Variants in BST1 observed in about 807,000 individuals in gnomAD.
BST1 encodes the protein ADP-ribosyl cyclase/cyclic ADP-ribose hydrolase 2.
BST1 carries 49 observed loss-of-function variants against 40.6 expected under a neutral mutation model. That is an observed-to-expected ratio of 1.21 (90% CI 0.96 to 1.53). BST1 has a LOEUF of 1.53. BST1 is among the 40% of genes most tolerant of loss of function. The pLI is 0.00. For missense variants in BST1, 423 were observed against 395.9 expected, an observed-to-expected ratio of 1.07 and a Z score of -0.58; for synonymous variants, 157 against 159.3, an observed-to-expected ratio of 0.99 and a Z score of 0.11.
downstream of BST1, chr4:15,736,079 G>A: frequency 7.8e-7 from 1 of 1,288,904 alleles, no homozygotes; most frequent in Non-Finnish European, 1.0e-6. Context: ...GGGACATTAG[G>A]AGTGCGACCC....
the BST1 span, among the ~76,000 whole-genome samples, chr4:15,748,729 G>C: frequency 6.6e-6 from 1 of 152,168 alleles, no homozygotes. Flanking sequence ...CACTACACCC[G>C]AGTTGATAGT....
downstream of BST1, among the ~76,000 whole-genome samples, chr4:15,732,967 G>A (rs550409657): frequency 5.1e-4 from 78 of 152,228 alleles, no homozygotes; most frequent in African/African-American, 1.8e-3. Context: ...TCGTGGTCTC[G>A]CTGACTTCAA....
At chr4:15,750,917 A>G in the BST1 span, among the ~76,000 whole-genome samples, 2 of 152,226 alleles carry the variant, frequency 1.3e-5, no homozygotes, top group African/African-American at 4.8e-5. Context: ...CAGGTGGTCC[A>G]CAATGAATGG....
the BST1 span, among the ~76,000 whole-genome samples, chr4:15,748,843 C>G: frequency 6.6e-6 from 1 of 152,204 alleles, no homozygotes; most frequent in Non-Finnish European, 1.5e-5. Context: ...TATGACATCT[C>G]TCAGTTGCTA....
the BST1 span, among the ~76,000 whole-genome samples, chr4:15,752,729 C>T: frequency 2.6e-5 from 4 of 152,012 alleles, no homozygotes; most frequent in Admixed American, 2.6e-4. Context: ...TGTGTCTGAA[C>T]TATTTGAGGA....
chr4:15,768,340 G>A, the BST1 span, among the ~76,000 whole-genome samples: 3 of 152,224 alleles, frequency 2.0e-5, no homozygotes, highest in African/African-American at 7.2e-5. Context: ...TAGAGCATCA[G>A]TCGAAAGCTT....
At chr4:15,753,456 T>G in the BST1 span, among the ~76,000 whole-genome samples, 63 of 152,364 alleles carry the variant, frequency 4.1e-4, no homozygotes, top group African/African-American at 1.5e-3. Context: ...ACATCCTGAA[T>G]GGCTCACGAT....
At chr4:15,758,606 T>G in the BST1 span, among the ~76,000 whole-genome samples, 1 of 152,244 alleles carries the variant, frequency 6.6e-6, no homozygotes, top group African/African-American at 2.4e-5. Flanking sequence ...TGATACTGTT[T>G]GTTAACTATA....
rs377570934 is a variant in BST1 at position 15,704,942 on chromosome 4, C to T, written c.189-573C>T. 1.0e-3 allele frequency: 804 copies of T among 776,202 alleles called. 3 individuals carry two copies. The African/African-American group carries it at 0.012, about 12-fold the overall frequency. The allele number at this position is 776,202 out of a possible 1,614,324, so 48.1% of individuals were successfully genotyped here. On this transcript the variant is annotated intron_variant, in intron 1 of 8. Transcript: ENST00000265016. The stretch of plus-strand genomic sequence containing the variant: ...CAGGCAAATAAGAAACAGCAGAGAA[C>T]CACCTGTGTTACACACCACCCAGTA...
chr4:15,757,995 A>G, the BST1 span, among the ~76,000 whole-genome samples: 1 of 152,312 alleles, frequency 6.6e-6, no homozygotes, highest in Non-Finnish European at 1.5e-5. Context: ...TAACATCAGC[A>G]TTTTTAATAA....
intron 8 of BST1, chr4:15,731,413 G>T: frequency 1.6e-6 from 1 of 621,312 alleles, no homozygotes; most frequent in African/African-American, 1.8e-5. Flanking sequence ...TCACGGTGCT[G>T]CTGGTTACCC....
intron 4 of BST1, among the ~76,000 whole-genome samples, chr4:15,713,250 A>C (rs561150415): frequency 7.9e-6 from 1 of 126,628 alleles, no homozygotes; most frequent in African/African-American, 3.1e-5. Flanking sequence ...CGCTCTGTCG[A>C]TCTTGGCTCA....
At chr4:15,719,137 A>T in intron 7 of BST1, 144 bp downstream of exon 7, 1 of 648,642 alleles carries the variant, frequency 1.5e-6, no homozygotes, top group African/African-American at 1.9e-5. Context: ...GGCAAGGAGC[A>T]CTTTCTGGCC....
At chr4:15,707,855 C>CTCTCTCTCTATATA (rs544633858) in intron 3 of BST1, among the ~76,000 whole-genome samples, 15 of 128,628 alleles carry the variant, frequency 1.2e-4, no homozygotes, top group African/African-American at 3.8e-4. Context: ...CTCTCTCTCT[C>CTCTCTCTCTATATA]TATATATATA....
chr4:15,727,980 C>T (rs1452169117), intron 8 of BST1, among the ~76,000 whole-genome samples: 1 of 150,806 alleles, frequency 6.6e-6, no homozygotes, highest in Admixed American at 6.6e-5. Context: ...CATGAATAAT[C>T]CAAGGGGAAA....
downstream of BST1, among the ~76,000 whole-genome samples, chr4:15,740,367 GTTA>G (rs1721714816): frequency 6.6e-6 from 1 of 152,154 alleles, no homozygotes; most frequent in Non-Finnish European, 1.5e-5. Context: ...TAAATTAGTA[GTTA>G]TTATCTACTT....
In BST1 at chr4:15,731,908, G is replaced by A; in HGVS notation, c.*63G>A. ...CAGCCTCCCCTTGCAGTCATCATTC[G>A]TGTTCTGTGTATACCAAATGATTCT... On this transcript the variant is annotated 3_prime_UTR_variant, in exon 9 of 9. Coordinates refer to ENST00000265016, the MANE Select transcript of BST1 (RefSeq NM_004334.3). 1.3e-6 allele frequency: 2 copies of A among 1,556,452 alleles called. No homozygotes were observed. Among genetic ancestry groups the A allele is most frequent in the East Asian group, 2.3e-5 (1 of 43,526 alleles).
chr4:15,712,520 G>A (rs1720271698), intron 4 of BST1, among the ~76,000 whole-genome samples: 1 of 152,212 alleles, frequency 6.6e-6, no homozygotes, highest in Admixed American at 6.5e-5. Context: ...GCAAAGAGCT[G>A]TTGACTATAA....
At chr4:15,714,558 A>G (rs1720403724) in intron 4 of BST1, among the ~76,000 whole-genome samples, 1 of 152,196 alleles carries the variant, frequency 6.6e-6, no homozygotes, top group South Asian at 2.1e-4. Context: ...CAGACCCTTA[A>G]GTATCATAGT....
Sources: gnomAD v4.1 joint callset for allele counts (sites outside exome capture counted in the v4.1 genomes callset) on GRCh38, gnomAD v4.1.1 for gene constraint, MANE v1.5 for transcripts, NCBI Gene and HGNC (gene_info 2026-07-23, HGNC 2026-07-21) for gene names.